Variants in ATP23 observed in about 807,000 individuals in gnomAD.
ATP23 encodes the protein mitochondrial inner membrane protease ATP23 homolog.
In ATP23, 24 loss-of-function variants were observed where a neutral mutation model predicts 28.5. The ratio of observed to expected loss-of-function variants is 0.84; its 90% confidence interval spans 0.61 to 1.18. ATP23 has a LOEUF of 1.18. Ranked by LOEUF, ATP23 falls within the 50% of genes most tolerant of loss-of-function variation. ATP23 has a pLI of 0.00. For synonymous variants in ATP23, 99 were observed against 108.6 expected (o/e 0.91, Z 0.55); for missense variants, 274 against 306.4 (o/e 0.89, Z 0.79).
intron 4 of ATP23, among the ~76,000 whole-genome samples, chr12:57,952,878 A>T (rs1565877060): frequency 6.6e-6 from 1 of 152,226 alleles, no homozygotes; most frequent in Non-Finnish European, 1.5e-5. Context: ...ATTAGCAAAA[A>T]TGTGGTCAAG....
At position 57,951,818 on chromosome 12, in the gene ATP23, G is replaced by C; in HGVS notation, c.376G>C (p.Glu126Gln). The change falls in exon 4 of 6, where the codon GAG becomes CAG. Residue 126 changes from glutamate (E) to glutamine (Q), a missense_variant. Glu to Gln is a conservative substitution (Grantham distance 29, BLOSUM62 2). Transcript: ENST00000300145. ...QAHMNRVVTH[E>Q]LIHAFDHCRA... ...CCATATGAACAGAGTGGTCACACAC[G>C]AGCTTATTCATGCATTTGATCATTG... The C allele has an allele frequency of 6.2e-7, 1 of 1,614,104 alleles. No individual in the cohort carries two copies. The highest frequency in any genetic ancestry group is 8.5e-7 in the Non-Finnish European group (1 of 1,180,020).
At chr12:57,945,741 T>A in intron 2 of ATP23, 68 bp downstream of exon 2, 14 of 1,365,324 alleles carry the variant, frequency 1.0e-5, no homozygotes, top group East Asian at 2.3e-5. Context: ...AGTTCTCTTC[T>A]TAAGAGAACT....
chr12:57,955,838 C>G (rs974889290), intron 5 of ATP23, among the ~76,000 whole-genome samples: 1 of 152,102 alleles, frequency 6.6e-6, no homozygotes, highest in South Asian at 2.1e-4. Flanking sequence ...GCACACTGAC[C>G]AGGCCAATGA....
At chr12:57,953,435 C>T (rs927966710) in intron 4 of ATP23, among the ~76,000 whole-genome samples, 171 bp from the exon 5 acceptor site, 6 of 152,122 alleles carry the variant, frequency 3.9e-5, no homozygotes, top group Non-Finnish European at 7.4e-5. Flanking sequence ...TATTTGCTCT[C>T]GTTGTCAATA....
intron 1 of ATP23, among the ~76,000 whole-genome samples, chr12:57,942,406 TGTG>T (rs1956714060): frequency 2.0e-5 from 3 of 150,814 alleles, no homozygotes; most frequent in Non-Finnish European, 2.9e-5. Flanking sequence ...TGTATGTGTG[TGTG>T]TGTGCCCCTA....
At chr12:57,944,947 T>C (rs1227286878) in intron 1 of ATP23, among the ~76,000 whole-genome samples, 1 of 152,204 alleles carries the variant, frequency 6.6e-6, no homozygotes, top group Non-Finnish European at 1.5e-5. Context: ...GCCGGTATGA[T>C]CTGATCAGGA....
rs888947980 is a variant in ATP23 at position 57,945,478 on chromosome 12, C to T, written c.188-150C>T. Reference sequence around the variant, plus strand: ...AACTCCTGGCCTCAAATGATCCACCCGCCTCAACCTCCTAAAGTGCTGGGA... The same window carrying T: ...AACTCCTGGCCTCAAATGATCCACCTGCCTCAACCTCCTAAAGTGCTGGGA... On this transcript the variant is annotated intron_variant, in intron 1 of 5. Transcript: ENST00000300145. 4.6e-5 allele frequency: 29 copies of T among 624,546 alleles called. 1 individual carries two copies. Among genetic ancestry groups the T allele is most frequent in the Non-Finnish European group, 7.3e-5 (26 of 354,684 alleles). 38.7% of individuals were successfully genotyped at this position (624,546 alleles called of 1,614,324 possible).
At chr12:57,956,347 TA>T (rs1163619435) in intron 5 of ATP23, among the ~76,000 whole-genome samples, 1 of 151,606 alleles carries the variant, frequency 6.6e-6, no homozygotes, top group Non-Finnish European at 1.5e-5. Flanking sequence ...ATCAGGACTT[TA>T]TAGACTTTTT....
In ATP23 at chr12:57,944,003, C is replaced by A. The variant is rs904933169; in HGVS notation, c.188-1625C>A. ...TCTCTTTTTTTTTTTTTTTTTTCAC[C>A]AAAGCAATTTTATTCTAAATATTGC... On this transcript the variant is annotated intron_variant, in intron 1 of 5. Transcript: ENST00000300145. 4.8e-5 allele frequency among the ~76,000 whole-genome samples: 7 copies of A among 145,612 alleles called. No individual in the cohort carries two copies. The East Asian group carries it at 1.5e-3, about 31-fold the overall frequency.
In ATP23 at chr12:57,956,744, G is replaced by T. The variant is rs1592282207; in HGVS notation, c.595G>T (p.Glu199Ter). 6.2e-7 allele frequency: 1 copy of T among 1,613,994 alleles called. No individual in the cohort carries two copies. Among genetic ancestry groups the T allele is most frequent in the Non-Finnish European group, 8.5e-7 (1 of 1,179,952 alleles). The stretch of plus-strand genomic sequence containing the variant: ...CCTGGCTGTTAGGAATATCAGCAAA[G>T]AAGTAGCTAAAAAGGCTGTTGATGA... ...SILAVRNISK[E>*]VAKKAVDEVF... Residue 199 changes from glutamate to a stop codon, truncating the protein, a stop_gained, in exon 6 of 6, where the codon GAA becomes TAA. Transcript: ENST00000300145. LOFTEE classifies it high-confidence loss of function.
chr12:57,946,520 C>T (rs1259025244), intron 2 of ATP23, among the ~76,000 whole-genome samples: 2 of 146,712 alleles, frequency 1.4e-5, no homozygotes, highest in East Asian at 4.0e-4. Context: ...TGCAGTGGCA[C>T]GATCTCGGCT....
chr12:57,946,734 G>A (rs541912159), intron 2 of ATP23, among the ~76,000 whole-genome samples: 1 of 152,252 alleles, frequency 6.6e-6, no homozygotes, highest in Non-Finnish European at 1.5e-5. Context: ...GGGATTACAG[G>A]CGTGAGCCAC....
intron 5 of ATP23, 124 bp downstream of exon 5, chr12:57,953,813 A>T: frequency 1.2e-6 from 1 of 833,808 alleles, no homozygotes. Context: ...AAGAATACAA[A>T]GTATGTACCA....
chr12:57,949,864 C>T (rs1340454615), intron 3 of ATP23: 1 of 146,996 alleles, frequency 6.8e-6, no homozygotes, highest in East Asian at 2.0e-4. Context: ...TTACCATCCC[C>T]CATCTCCCCA....
intron 4 of ATP23, 120 bp downstream of exon 4, chr12:57,952,015 G>T: frequency 7.8e-7 from 1 of 1,278,744 alleles, no homozygotes; most frequent in Non-Finnish European, 1.1e-6. Flanking sequence ...TTGAATTTCG[G>T]TTTATAACTA....
chr12:57,945,491 TA>T, intron 1 of ATP23, 136 bp from the exon 2 acceptor site: 1 of 695,172 alleles, frequency 1.4e-6, no homozygotes, highest in Non-Finnish European at 2.5e-6. Flanking sequence ...CTCAACCTCC[TA>T]AAGTGCTGGG....
At chr12:57,950,294 C>T (rs1243723452) in intron 3 of ATP23, among the ~76,000 whole-genome samples, 1 of 152,124 alleles carries the variant, frequency 6.6e-6, no homozygotes, top group Admixed American at 6.6e-5. Flanking sequence ...CTGTTGCCTA[C>T]CACCCCCACC....
chr12:57,956,848 C>G lies in ATP23; in HGVS notation c.699C>G (p.His233Gln). 1 of 1,613,084 alleles carries G rather than the reference C, an allele frequency of 6.2e-7. No homozygotes were observed. The highest frequency in any genetic ancestry group is 1.1e-5 in the South Asian group (1 of 90,982). Residue 233 changes from histidine (H) to glutamine (Q), a missense_variant, in exon 6 of 6, where the codon CAC (histidine) becomes CAG (glutamine). His to Gln is a conservative substitution (Grantham distance 24, BLOSUM62 0). Transcript: ENST00000300145. ...PHNKTYARYA[H>Q]RDFENRDRYY... Reference sequence around the variant, plus strand: ...ACAAGACTTATGCAAGATATGCTCACAGAGACTTTGAAAACCGTGATCGGT... The same window carrying G: ...ACAAGACTTATGCAAGATATGCTCAGAGAGACTTTGAAAACCGTGATCGGT...
In ATP23 at chr12:57,941,758, GC is replaced by G; in HGVS notation, c.58del (p.Gln20SerfsTer38). 1 of 1,599,210 alleles carries G rather than the reference GC, an allele frequency of 6.3e-7. No homozygotes were observed. Among genetic ancestry groups the G allele is most frequent in the South Asian group, 1.1e-5 (1 of 89,066 alleles). On this transcript the variant is annotated frameshift_variant, in exon 1 of 6. Transcript: ENST00000300145. LOFTEE classifies it high-confidence loss of function. ...GCCCCGCGGCAGGGGAGCAGCTGCA[GC>G]AGCAACACGTCTCTTGCCAGGTCTT... ...RGPAAGEQLQ[Q>X]QHVSCQVFPE... is the part of the protein sequence containing the mutation.
Sources: gnomAD v4.1 joint callset for allele counts (sites outside exome capture counted in the v4.1 genomes callset) on GRCh38, gnomAD v4.1.1 for gene constraint, MANE v1.5 for transcripts, NCBI Gene and HGNC (gene_info 2026-07-23, HGNC 2026-07-21) for gene names.